EBF4: variants seen among roughly 807,000 people sequenced by gnomAD.
The protein encoded by EBF4 is EBF transcription factor 4, also known as transcription factor COE4.
Under a neutral mutation model 67.1 loss-of-function variants are expected in EBF4, and 34 were observed. That is an observed-to-expected ratio of 0.51 (90% CI 0.39 to 0.67). The LOEUF is 0.67. EBF4 is among the 30% of genes least tolerant of loss of function. EBF4 has a pLI of 0.00. For missense variants in EBF4, 837 were observed against 873.3 expected (o/e 0.96, Z 0.52); for synonymous variants, 387 against 377.7 (o/e 1.02, Z -0.29).
chr20:2,744,488 TTTTC>T (rs1289458776), intron 6 of EBF4, among the ~76,000 whole-genome samples: 7 of 63,080 alleles, frequency 1.1e-4, no homozygotes, highest in East Asian at 6.6e-4. Flanking sequence ...TCTTTTTTTC[TTTTC>T]TTTTTTTTTT....
intron 6 of EBF4, among the ~76,000 whole-genome samples, chr20:2,715,225 G>T (rs1448235403): frequency 1.3e-5 from 2 of 152,034 alleles, no homozygotes; most frequent in African/African-American, 2.4e-5. Flanking sequence ...AAAAAAGTGT[G>T]TTGGTGTAGT....
rs1013110749 is a variant in EBF4 at position 2,752,388 on chromosome 20, C to G, written c.1383C>G (p.Pro461=). 3.3e-5 allele frequency: 42 copies of G among 1,254,468 alleles called. No homozygotes were observed. The African/African-American group carries it at 5.8e-4, about 17-fold the overall frequency. 77.7% of individuals were successfully genotyped at this position (1,254,468 alleles called of 1,614,324 possible). The change falls in exon 14 of 17, where the codon CCC becomes CCG. Residue 461 remains proline, a synonymous_variant. Coordinates refer to ENST00000609451, the Ensembl canonical transcript of EBF4. ...CGCGCAGCTGCAGCAGCGCGTCCCC[C>G]CGCGGGTTCGCGCCCAGCCCCGGCT...
At chr20:2,726,562 G>C (rs2087748912) in intron 6 of EBF4, among the ~76,000 whole-genome samples, 1 of 146,006 alleles carries the variant, frequency 6.8e-6, no homozygotes, top group Non-Finnish European at 1.5e-5. Flanking sequence ...GCCTAGGTGA[G>C]AAAGAAAGAC....
chr20:2,693,805 G>A lies in EBF4; in HGVS notation c.137+23G>A. The A allele has an allele frequency of 7.9e-7, 1 of 1,271,312 alleles. No homozygotes were observed. The highest frequency in any genetic ancestry group is 9.9e-7 in the Non-Finnish European group (1 of 1,007,716). 78.8% of individuals were successfully genotyped at this position (1,271,312 alleles called of 1,614,324 possible). Reference sequence around the variant, plus strand: ...GAGGTAAGCGCTCGGACCGGACCCGGTGCGCTCGGGTTGGACGGCTGCGCG... The same window carrying A: ...GAGGTAAGCGCTCGGACCGGACCCGATGCGCTCGGGTTGGACGGCTGCGCG... On this transcript the variant is annotated intron_variant, in intron 1 of 16. Coordinates refer to ENST00000609451, the Ensembl canonical transcript of EBF4. This position sits in a 1 kb window ranked among gnomAD's most constrained non-coding sequence, Gnocchi z 4.6.
rs149165619 is a variant in EBF4, at chr20:2,716,644, A to G, written c.557+7002A>G. Among the ~76,000 whole-genome samples, 274 of 152,294 alleles carry G rather than the reference A, an allele frequency of 1.8e-3. 5 individuals are homozygous for G. The South Asian group carries it at 0.025, about 14-fold the overall frequency. ...CACATTTGTCATCCCTATGGAACTA[A>G]TTAGGGGTATGGTGTGAATTAAGGA... is the stretch of plus-strand genomic sequence containing the variant. On this transcript the variant is annotated intron_variant, in intron 6 of 16. Transcript: ENST00000609451.
intron 6 of EBF4, among the ~76,000 whole-genome samples, chr20:2,716,212 C>T (rs554777904): frequency 7.1e-6 from 1 of 140,204 alleles, no homozygotes; most frequent in Admixed American, 7.0e-5. Flanking sequence ...CAGAGTAAGA[C>T]CCTGTCTTAA....
intron 6 of EBF4, among the ~76,000 whole-genome samples, chr20:2,748,087 G>A (rs1365037718): frequency 1.3e-5 from 2 of 152,144 alleles, no homozygotes; most frequent in African/African-American, 4.8e-5. Context: ...TATGGGTGAT[G>A]AGCATATACT....
chr20:2,754,967 A>ACCCCCCCCCCCCCCCCCCC (rs751398659), intron 14 of EBF4: 2 of 67,520 alleles, frequency 3.0e-5, no homozygotes, highest in Admixed American at 1.4e-4. Context: ...GATTCAGGAG[A>ACCCCCCCCCCCCCCCCCCC]CCACCCCCCC....
chr20:2,706,158 A>G (rs2087455064), intron 3 of EBF4, 51 bp from the exon 4 acceptor site: 5 of 1,550,918 alleles, frequency 3.2e-6, no homozygotes, highest in African/African-American at 1.4e-5. Flanking sequence ...CTGGTCATTG[A>G]GGCTGCACAT....
chr20:2,738,838 C>T (rs1429976124), intron 6 of EBF4, among the ~76,000 whole-genome samples: 1 of 152,220 alleles, frequency 6.6e-6, no homozygotes, highest in Non-Finnish European at 1.5e-5. Context: ...CATGCAAATG[C>T]ATGCAGGGGA....
chr20:2,697,691 G>T (rs2087316107), intron 1 of EBF4, among the ~76,000 whole-genome samples: 1 of 152,090 alleles, frequency 6.6e-6, no homozygotes, highest in East Asian at 1.9e-4. Flanking sequence ...TCTGCACAAG[G>T]ACCCCCTGCC....
intron 6 of EBF4, among the ~76,000 whole-genome samples, chr20:2,717,521 G>A (rs1385605956): frequency 6.6e-6 from 1 of 152,180 alleles, no homozygotes; most frequent in Non-Finnish European, 1.5e-5. Flanking sequence ...AGTTGTATGG[G>A]TAGCTTATTT....
chr20:2,733,906 G>T (rs185192435), intron 6 of EBF4, among the ~76,000 whole-genome samples: 1 of 151,658 alleles, frequency 6.6e-6, no homozygotes, highest in African/African-American at 2.4e-5. Context: ...CATGTGCCCC[G>T]TGGGTCGCAG....
Position 2,709,657 on chromosome 20 carries a change from AG to A in EBF4, c.557+20del. ...ATCATTGACAGGTACAGGCTCAGGGAGGGGGCCTGGAAGCTCAGAGGAGAGT... is the reference window on the plus strand; with the variant it reads ...ATCATTGACAGGTACAGGCTCAGGGAGGGGCCTGGAAGCTCAGAGGAGAGT... On this transcript the variant is annotated intron_variant, in intron 6 of 16. Coordinates refer to ENST00000609451, the Ensembl canonical transcript of EBF4. 1 of 1,527,430 alleles carries A rather than the reference AG, an allele frequency of 6.5e-7. No individual in the cohort carries two copies. Among genetic ancestry groups the A allele is most frequent in the Non-Finnish European group, 8.8e-7 (1 of 1,131,912 alleles). The allele number at this position is 1,527,430 out of a possible 1,614,324, so 94.6% of individuals were successfully genotyped here. A position where few individuals can be genotyped will look rare whatever the true frequency, so the allele number is the denominator to read the frequency against.
chr20:2,757,581 G>T (rs1225072315), intron 15 of EBF4, among the ~76,000 whole-genome samples: 1 of 152,240 alleles, frequency 6.6e-6, no homozygotes, highest in Non-Finnish European at 1.5e-5. Context: ...GAATGCCCTA[G>T]ATAGAGTAGA....
intron 1 of EBF4, among the ~76,000 whole-genome samples, chr20:2,701,509 A>T (rs1374076870): frequency 6.6e-6 from 1 of 152,246 alleles, no homozygotes; most frequent in Non-Finnish European, 1.5e-5. Context: ...GCTGGGGGGC[A>T]GCCAGGACCC....
In EBF4 at chr20:2,755,694, C is replaced by T; in HGVS notation, c.1608C>T (p.Thr536=). 2.6e-6 allele frequency: 4 copies of T among 1,550,914 alleles called. No individual in the cohort carries two copies. The highest frequency in any genetic ancestry group is 1.4e-5 in the African/African-American group (1 of 73,126). The change falls in exon 15 of 17, where the codon ACC becomes ACT. Residue 536 remains threonine (T), a synonymous_variant. Coordinates refer to ENST00000609451, the Ensembl canonical transcript of EBF4. The surrounding 1 kb of genome is among the most constrained non-coding windows in gnomAD (Gnocchi z 4.7). ...CCCTCCCGGCCGCTGCCCCCACCAC[C>T]AGCGTGTTCTCCTTCTCGCCTGTCA...
Position 2,751,975 on chromosome 20 carries a change from C to G in EBF4, c.1161C>G (p.Pro387=), listed in dbSNP as rs1330215972. 5.8e-6 allele frequency: 9 copies of G among 1,548,218 alleles called. No individual in the cohort carries two copies. The highest frequency in any genetic ancestry group is 4.9e-5 in the East Asian group (2 of 40,868). Residue 387 remains proline, a synonymous_variant, in exon 12 of 17, where the codon CCC becomes CCG. Coordinates refer to ENST00000609451, the Ensembl canonical transcript of EBF4. This position sits in a 1 kb window ranked among gnomAD's most constrained non-coding sequence, Gnocchi z 5.2. ...TGGCAGAAGCCCTGTACGGAGTGCC[C>G]GGCAGTAACCAGGTATGGCGCCTCC... is the stretch of plus-strand genomic sequence containing the variant.
intron 14 of EBF4, among the ~76,000 whole-genome samples, chr20:2,754,868 G>GC (rs143169755): frequency 0.014 from 2,200 of 152,128 alleles, 58 homozygotes; most frequent in African/African-American, 0.05. Context: ...GCAAGCCGCA[G>GC]CCTGGGTGGC....
Sources: gnomAD v4.1 joint callset for allele counts (sites outside exome capture counted in the v4.1 genomes callset) on GRCh38, gnomAD v4.1.1 for gene constraint, Gnocchi (gnomAD v3.1) non-coding constraint, MANE v1.5 for transcripts, NCBI Gene and HGNC (gene_info 2026-07-23, HGNC 2026-07-21) for gene names.